Variants in TUSC3 observed in about 807,000 individuals in gnomAD.
TUSC3 encodes tumor suppressor candidate 3.
In TUSC3, 45 loss-of-function variants were observed where a neutral mutation model predicts 44.8. The observed-to-expected ratio is 1.00, with a 90% confidence interval of 0.79 to 1.29. The LOEUF (loss-of-function observed/expected upper bound fraction) is 1.29. TUSC3 is among the 50% of genes most tolerant of loss of function. TUSC3 has a pLI of 0.00. For synonymous variants in TUSC3, 212 were observed against 152.9 expected, an observed-to-expected ratio of 1.39 and a Z score of -2.85; for missense variants, 519 against 437.9, an observed-to-expected ratio of 1.19 and a Z score of -1.65.
chr8:15,802,010 C>T, the TUSC3 span, among the ~76,000 whole-genome samples: 4 of 152,046 alleles, frequency 2.6e-5, no homozygotes, highest in African/African-American at 4.8e-5. Flanking sequence ...AGCTGTTCTT[C>T]GAGAAGAATC....
intron 1 of TUSC3, among the ~76,000 whole-genome samples, chr8:15,611,756 T>C (rs184421953): frequency 1.3e-5 from 2 of 152,050 alleles, no homozygotes; most frequent in Admixed American, 1.3e-4. Flanking sequence ...GTAGATGAGG[T>C]GGTATAGTGC....
chr8:15,701,568 G>A (rs1299310080), intron 6 of TUSC3, among the ~76,000 whole-genome samples: 3 of 152,110 alleles, frequency 2.0e-5, no homozygotes, highest in African/African-American at 7.2e-5. Context: ...TAGATGCATA[G>A]AGATGTTGAA....
intron 1 of TUSC3, among the ~76,000 whole-genome samples, chr8:15,441,629 G>C (rs1179885285): frequency 6.6e-6 from 1 of 152,098 alleles, no homozygotes; most frequent in African/African-American, 2.4e-5. Flanking sequence ...ATCAATATTA[G>C]GGACATTTCT....
At chr8:15,447,977 G>A (rs1463928133) in intron 1 of TUSC3, among the ~76,000 whole-genome samples, 2 of 151,114 alleles carry the variant, frequency 1.3e-5, no homozygotes, top group Non-Finnish European at 1.5e-5. Flanking sequence ...GAAAAGTTCA[G>A]TTCTACAGTC....
chr8:15,608,043 A>G (rs1336563575), intron 1 of TUSC3, among the ~76,000 whole-genome samples: 2 of 152,338 alleles, frequency 1.3e-5, no homozygotes, highest in African/African-American at 2.4e-5. Context: ...GAGAATGTCT[A>G]TAACAATAAA....
At chr8:15,500,161 G>T (rs529716381) in intron 2 of TUSC3, among the ~76,000 whole-genome samples, 1 of 152,280 alleles carries the variant, frequency 6.6e-6, no homozygotes, top group South Asian at 2.1e-4. Flanking sequence ...AGCAGCTAGA[G>T]TCTTTCTCTA....
At chr8:15,634,569 C>T (rs1444769417) in intron 2 of TUSC3, among the ~76,000 whole-genome samples, 2 of 152,186 alleles carry the variant, frequency 1.3e-5, no homozygotes, top group African/African-American at 4.8e-5. Context: ...AAAGTTTGTT[C>T]AGACCCCACT....
intron 1 of TUSC3, among the ~76,000 whole-genome samples, chr8:15,444,957 A>T (rs1481497551): frequency 6.6e-6 from 1 of 152,174 alleles, no homozygotes; most frequent in Non-Finnish European, 1.5e-5. Flanking sequence ...CGAACTTCAG[A>T]TGCAGGAGAA....
intron 2 of TUSC3, among the ~76,000 whole-genome samples, chr8:15,630,010 C>G (rs1005657723): frequency 1.4e-4 from 15 of 106,930 alleles, no homozygotes; most frequent in Non-Finnish European, 3.0e-4. Context: ...GTGTTAGCTC[C>G]AAACTTTTTT....
chr8:15,564,606 C>T (rs900549802), intron 1 of TUSC3, among the ~76,000 whole-genome samples: 1 of 152,064 alleles, frequency 6.6e-6, no homozygotes, highest in East Asian at 1.9e-4. Context: ...CTTTTACATC[C>T]GTTGATGGTG....
At chr8:15,548,519 C>A (rs1801951473) in intron 1 of TUSC3, among the ~76,000 whole-genome samples, 1 of 151,796 alleles carries the variant, frequency 6.6e-6, no homozygotes, top group East Asian at 1.9e-4. Flanking sequence ...CTGAAACCAT[C>A]TTATTACCTC....
chr8:15,421,173 C>T (rs1320108826), intron 1 of TUSC3, among the ~76,000 whole-genome samples: 1 of 152,076 alleles, frequency 6.6e-6, no homozygotes, highest in Non-Finnish European at 1.5e-5. Flanking sequence ...TAGTTAACTT[C>T]CTTATAGTTA....
intron 1 of TUSC3, among the ~76,000 whole-genome samples, chr8:15,562,502 C>G (rs879922536): frequency 3.2e-4 from 49 of 152,076 alleles, no homozygotes; most frequent in Admixed American, 2.9e-3. Context: ...ACACCCATTT[C>G]TTATCTCCTA....
intron 1 of TUSC3, among the ~76,000 whole-genome samples, chr8:15,614,032 G>A (rs1422371449): frequency 3.0e-5 from 1 of 33,326 alleles, no homozygotes; most frequent in South Asian, 9.1e-4. Context: ...TTTTTTTTTC[G>A]GTGGGGGTCT....
intron 6 of TUSC3, among the ~76,000 whole-genome samples, chr8:15,722,920 C>A (rs1306139883): frequency 6.6e-6 from 1 of 152,064 alleles, no homozygotes; most frequent in African/African-American, 2.4e-5. Flanking sequence ...TGCTCCTTCC[C>A]ATACAGCCTC....
intron 2 of TUSC3, among the ~76,000 whole-genome samples, chr8:15,628,707 C>T (rs967172247): frequency 6.6e-6 from 1 of 152,186 alleles, no homozygotes. Flanking sequence ...AATTGGATAA[C>T]CATGTAGCAT....
At chr8:15,487,243 C>A (rs905305296) in intron 2 of TUSC3, among the ~76,000 whole-genome samples, 2 of 152,290 alleles carry the variant, frequency 1.3e-5, no homozygotes, top group Admixed American at 6.5e-5. Flanking sequence ...TCTACTTAAT[C>A]TGAAAATATT....
chr8:15,762,858 G>C (rs1024253651), intron 10 of TUSC3, among the ~76,000 whole-genome samples: 1 of 151,758 alleles, frequency 6.6e-6, no homozygotes, highest in African/African-American at 2.4e-5. Flanking sequence ...CATGCGGATT[G>C]AACAGCAACT....
intron 1 of TUSC3, among the ~76,000 whole-genome samples, chr8:15,555,510 G>T (rs907840228): frequency 6.6e-6 from 1 of 150,946 alleles, no homozygotes; most frequent in Non-Finnish European, 1.5e-5. Context: ...GTACAGGATG[G>T]CCTTGAACTC....
Sources: gnomAD v4.1 joint callset for allele counts (sites outside exome capture counted in the v4.1 genomes callset) on GRCh38, gnomAD v4.1.1 for gene constraint, MANE v1.5 for transcripts, NCBI Gene and HGNC (gene_info 2026-07-23, HGNC 2026-07-21) for gene names.